CSMD1: variants seen among roughly 807,000 people sequenced by gnomAD.
CSMD1 encodes the protein CUB and Sushi multiple domains 1, also known as CUB and sushi domain-containing protein 1.
In CSMD1, 213 loss-of-function variants were observed where a neutral mutation model predicts 417.5. The ratio of observed to expected loss-of-function variants is 0.51; its 90% CI spans 0.46 to 0.57. The LOEUF (loss-of-function observed/expected upper bound fraction) is 0.57, where lower values mean the gene tolerates loss of function less well. Among genes scored for constraint, CSMD1 ranks in the 20% least tolerant of loss-of-function variants. The pLI is 0.00. For synonymous variants in CSMD1, 2,862 were observed against 1,736.8 expected, an observed-to-expected ratio of 1.65 and a Z score of -16.11; for missense variants, 6,923 against 4,529.7, an observed-to-expected ratio of 1.53 and a Z score of -15.17.
intron 25 of CSMD1, among the ~76,000 whole-genome samples, chr8:3,294,396 G>A (rs1033895430): frequency 6.6e-6 from 1 of 152,232 alleles, no homozygotes; most frequent in East Asian, 1.9e-4. Context: ...GCTGCCTTCT[G>A]TTGGTCTGTG....
intron 1 of CSMD1, among the ~76,000 whole-genome samples, chr8:4,930,848 C>T (rs1271015851): frequency 6.6e-6 from 1 of 152,172 alleles, no homozygotes; most frequent in African/African-American, 2.4e-5. Context: ...CAGGATAGAT[C>T]TTAATTTCTT....
intron 5 of CSMD1, among the ~76,000 whole-genome samples, chr8:3,961,911 A>G (rs1812353745): frequency 2.0e-5 from 3 of 152,220 alleles, no homozygotes; most frequent in Non-Finnish European, 4.4e-5. Context: ...GTCATTGCTC[A>G]AAAACGAATG....
intron 2 of CSMD1, among the ~76,000 whole-genome samples, chr8:4,620,941 G>A (rs1801743121): frequency 6.6e-6 from 1 of 151,566 alleles, no homozygotes; most frequent in African/African-American, 2.4e-5. Context: ...ATTAAAATGT[G>A]GTCTTTAAAA....
At chr8:4,949,017 A>G (rs1198537331) in intron 1 of CSMD1, among the ~76,000 whole-genome samples, 1 of 152,124 alleles carries the variant, frequency 6.6e-6, no homozygotes, top group Non-Finnish European at 1.5e-5. Flanking sequence ...TGTTTGCTAA[A>G]TGTCTTTATC....
intron 46 of CSMD1, 24 bp downstream of exon 46, chr8:3,106,504 G>A (rs747663288): frequency 1.4e-6 from 2 of 1,430,642 alleles, no homozygotes; most frequent in Admixed American, 1.7e-5. Context: ...AGTTTATGTA[G>A]TTTTAGTATC....
intron 40 of CSMD1, among the ~76,000 whole-genome samples, chr8:3,146,667 T>C (rs572565000): frequency 9.4e-4 from 143 of 152,284 alleles, no homozygotes; most frequent in African/African-American, 3.4e-3. Flanking sequence ...GGACAGGCTG[T>C]GTGGGTCACT....
chr8:4,585,669 G>T (rs1281006105), intron 2 of CSMD1, among the ~76,000 whole-genome samples: 1 of 152,084 alleles, frequency 6.6e-6, no homozygotes, highest in African/African-American at 2.4e-5. Flanking sequence ...AGAAGATTTT[G>T]CAATGGAAAA....
chr8:3,581,622 T>G (rs1800386595), intron 9 of CSMD1, among the ~76,000 whole-genome samples: 1 of 152,206 alleles, frequency 6.6e-6, no homozygotes, highest in Admixed American at 6.5e-5. Flanking sequence ...CAGTCCTTCC[T>G]GGATGCACCT....
At chr8:4,180,772 G>T (rs562305560) in intron 3 of CSMD1, among the ~76,000 whole-genome samples, 1 of 152,060 alleles carries the variant, frequency 6.6e-6, no homozygotes, top group Non-Finnish European at 1.5e-5. Context: ...CTAACATTGT[G>T]TTAATCTAAT....
intron 2 of CSMD1, among the ~76,000 whole-genome samples, chr8:4,533,964 A>G (rs1220558299): frequency 1.3e-5 from 2 of 149,850 alleles, no homozygotes; most frequent in East Asian, 1.9e-4. Flanking sequence ...ATATAAATAT[A>G]AAATACACTA....
At chr8:4,718,437 G>A (rs1378233659) in intron 1 of CSMD1, among the ~76,000 whole-genome samples, 2 of 152,072 alleles carry the variant, frequency 1.3e-5, no homozygotes, top group African/African-American at 4.8e-5. Flanking sequence ...TGATTCTTAA[G>A]CAGGAATGAA....
chr8:3,164,748 G>A (rs944817402), intron 37 of CSMD1, among the ~76,000 whole-genome samples: 1 of 152,076 alleles, frequency 6.6e-6, no homozygotes, highest in South Asian at 2.1e-4. Flanking sequence ...GAAGAATATC[G>A]ATTACAAAAA....
intron 10 of CSMD1, among the ~76,000 whole-genome samples, chr8:3,507,699 A>G (rs1796887173): frequency 6.6e-6 from 1 of 152,178 alleles, no homozygotes; most frequent in South Asian, 2.1e-4. Context: ...TTGCCATTCT[A>G]ACTGGTATGA....
chr8:3,356,454 A>T (rs927163389), intron 21 of CSMD1, among the ~76,000 whole-genome samples: 1 of 152,218 alleles, frequency 6.6e-6, no homozygotes, highest in African/African-American at 2.4e-5. Flanking sequence ...AGGCGGGCAC[A>T]TCACATGGTC....
intron 5 of CSMD1, among the ~76,000 whole-genome samples, chr8:3,950,335 G>T (rs1337691243): frequency 1.3e-5 from 2 of 152,180 alleles, no homozygotes; most frequent in Non-Finnish European, 2.9e-5. Flanking sequence ...AAAGCCATCT[G>T]ACTCTAGCTG....
intron 1 of CSMD1, among the ~76,000 whole-genome samples, chr8:4,777,934 G>A (rs186570920): frequency 1.3e-5 from 2 of 152,108 alleles, no homozygotes; most frequent in African/African-American, 2.4e-5. Context: ...CCTATAATAC[G>A]GTTGTAGTAG....
Position 3,667,887 on chromosome 8 carries a change from G to A in CSMD1, c.1009+40527C>T, listed in dbSNP as rs115367377. ...ATAGCAGTGAGTAGAAGCAGCCAAG[G>A]CCAGATCATCAAAGACTCTGTATGT... On this transcript the variant is annotated intron_variant, in intron 7 of 69. Coordinates refer to ENST00000635120, the MANE Select transcript of CSMD1 (RefSeq NM_033225.6). Among the ~76,000 whole-genome samples, 1,245 of 152,194 alleles carry A rather than the reference G, an allele frequency of 8.2e-3. 14 individuals are homozygous for A. Among genetic ancestry groups the A allele is most frequent in the African/African-American group, 0.028 (1,169 of 41,494 alleles).
At chr8:4,769,414 G>T (rs1301853471) in intron 1 of CSMD1, among the ~76,000 whole-genome samples, 2 of 152,020 alleles carry the variant, frequency 1.3e-5, no homozygotes, top group Non-Finnish European at 2.9e-5. Flanking sequence ...ACTATTCTTG[G>T]CATTTTGGGA....
Position 4,533,289 on chromosome 8 carries a change from G to T in CSMD1, c.302+104053C>A, listed in dbSNP as rs533823753. Among the ~76,000 whole-genome samples, 13 of 152,290 alleles carry T rather than the reference G, an allele frequency of 8.5e-5. No individual in the cohort carries two copies. In the East Asian group the frequency reaches 9.6e-4, roughly 11 times the overall value. On this transcript the variant is annotated intron_variant, in intron 2 of 69. Transcript: ENST00000635120. ...GCCGCTTGCTCCCAAATATCATGCT[G>T]AGGAAGCCAAGTTGTCATGACACAA...
Sources: allele counts gnomAD v4.1 joint callset (sites outside exome capture counted in the v4.1 genomes callset), GRCh38; gene constraint gnomAD v4.1.1; transcripts MANE v1.5; gene names NCBI Gene and HGNC (gene_info 2026-07-23, HGNC 2026-07-21).